PEPD: variants seen among roughly 807,000 people sequenced by gnomAD.
PEPD encodes the protein xaa-Pro dipeptidase.
A neutral mutation model predicts 60.7 loss-of-function variants in PEPD; 53 were observed. The observed-to-expected ratio is 0.87, with a 90% CI of 0.70 to 1.10. The LOEUF is 1.10. Ranked by LOEUF, PEPD falls within the 50% of genes least tolerant of loss-of-function variation. The pLI, the probability that PEPD is intolerant of heterozygous loss-of-function variation, is 0.00. For synonymous variants in PEPD, 267 were observed against 284.1 expected (o/e 0.94, Z 0.60); for missense variants, 711 against 711.9 (o/e 1.00, Z 0.01).
At chr19:33,392,871 AC>A (rs1968259049) in intron 12 of PEPD, among the ~76,000 whole-genome samples, 1 of 151,818 alleles carries the variant, frequency 6.6e-6, no homozygotes, top group Non-Finnish European at 1.5e-5. Context: ...ACAGGCCATC[AC>A]CCCCGACACA....
intron 7 of PEPD, among the ~76,000 whole-genome samples, chr19:33,473,420 C>T (rs1234169623): frequency 3.3e-5 from 5 of 152,166 alleles, no homozygotes; most frequent in African/African-American, 1.2e-4. Flanking sequence ...CTCCTGTGCA[C>T]ACAGAGAGGC....
At chr19:33,427,985 A>G (rs1348518916) in intron 9 of PEPD, among the ~76,000 whole-genome samples, 1 of 151,928 alleles carries the variant, frequency 6.6e-6, no homozygotes, top group Non-Finnish European at 1.5e-5. Context: ...CGGCAATCTG[A>G]TCATGGCAAA....
intron 6 of PEPD, among the ~76,000 whole-genome samples, chr19:33,482,996 A>G (rs1024010435): frequency 6.6e-6 from 1 of 152,244 alleles, no homozygotes; most frequent in Non-Finnish European, 1.5e-5. Flanking sequence ...CATTTATCAT[A>G]ATGGTCACGT....
rs1396383295 is a variant in PEPD, at chr19:33,413,608, A to G, written c.707T>C (p.Met236Thr). The change falls in exon 10 of 15, where the codon ATG becomes ACG. Residue 236 changes from methionine to threonine, a missense_variant. Met to Thr is a moderately conservative substitution (Grantham distance 81, BLOSUM62 -1). Coordinates refer to ENST00000244137, the MANE Select transcript of PEPD (RefSeq NM_000285.4). ...FEHYCYSRGGMRHSSYTCICG... is the reference protein window; with the variant it reads ...FEHYCYSRGGTRHSSYTCICG... The stretch of plus-strand genomic sequence containing the variant: ...GATGCAGGTGTAGGAGCTGTGGCGC[A>G]TGCCGCCCCGGGAGTAGCAGTAGTG... The G allele has an allele frequency of 2.5e-6, 4 of 1,588,544 alleles. No individual in the cohort carries two copies. In the East Asian group the frequency reaches 6.9e-5, roughly 27 times the overall value.
chr19:33,413,783 G>A, intron 9 of PEPD, 140 bp from the exon 10 acceptor site: 1 of 658,090 alleles, frequency 1.5e-6, no homozygotes, highest in Non-Finnish European at 2.8e-6. Context: ...CTCTCAGTGT[G>A]AGTCTGTGAG....
chr19:33,398,697 GC>G (rs1389776147), intron 12 of PEPD, among the ~76,000 whole-genome samples: 4 of 152,236 alleles, frequency 2.6e-5, no homozygotes, highest in Non-Finnish European at 5.9e-5. Flanking sequence ...AAGGAGTGGC[GC>G]CCCTGGGCGA....
intron 3 of PEPD, among the ~76,000 whole-genome samples, chr19:33,507,603 T>C (rs1159298529): frequency 6.6e-6 from 1 of 152,138 alleles, no homozygotes; most frequent in African/African-American, 2.4e-5. Context: ...AACCATCAGA[T>C]AGGGACTCAA....
In PEPD at chr19:33,397,340, C is replaced by T. The variant is rs559972254; in HGVS notation, c.967+4381G>A. Among the ~76,000 whole-genome samples, 5 of 152,200 alleles carry T rather than the reference C, an allele frequency of 3.3e-5. No individual in the cohort carries two copies. The East Asian group carries it at 9.7e-4, about 29-fold the overall frequency. On this transcript the variant is annotated intron_variant, in intron 12 of 14. Transcript: ENST00000244137. ...TTTATTTACTCTCCCTGGAAGGTCA[C>T]AGGATGCAGTCGGGCAGTCTCGGTG...
intron 9 of PEPD, among the ~76,000 whole-genome samples, chr19:33,415,296 G>A (rs1429575031): frequency 6.6e-6 from 1 of 152,240 alleles, no homozygotes; most frequent in East Asian, 1.9e-4. Flanking sequence ...GGGCTGCGCT[G>A]GGACTGGCCG....
At position 33,387,928 on chromosome 19, in the gene PEPD, TAAGG is replaced by T; in HGVS notation, c.1302_1305del (p.Phe434LeufsTer23). The T allele has an allele frequency of 3.1e-6, 5 of 1,594,750 alleles. No individual in the cohort carries two copies. Among genetic ancestry groups the T allele is most frequent in the Non-Finnish European group, 4.3e-6 (5 of 1,171,418 alleles). On this transcript the variant is annotated frameshift_variant, in exon 14 of 15. Transcript: ENST00000244137. LOFTEE classifies it high-confidence loss of function. Reference sequence around the variant, plus strand: ...CGAAAGCGCTGCAGGACCTCGCGGTTAAGGAAGGAGGCGCGGGCCGGGTCCGCCA... The same window carrying T: ...CGAAAGCGCTGCAGGACCTCGCGGTTAAGGAGGCGCGGGCCGGGTCCGCCA...
intron 9 of PEPD, among the ~76,000 whole-genome samples, chr19:33,436,222 G>A (rs185181791): frequency 0.012 from 1,784 of 151,920 alleles, 19 homozygotes; most frequent in Non-Finnish European, 0.019. Context: ...GAGGGAGAGG[G>A]AGAGGGAGAG....
chr19:33,497,568 C>T (rs1349689860), intron 4 of PEPD, among the ~76,000 whole-genome samples: 1 of 152,242 alleles, frequency 6.6e-6, no homozygotes, highest in Non-Finnish European at 1.5e-5. Context: ...ACGTGACCAG[C>T]CATGGCACTG....
In PEPD at chr19:33,521,746, G is replaced by C; in HGVS notation, c.15C>G (p.Thr5=). ...AGCGAGGGAGGCGCAGCACTCACCC[G>C]GTGGCCGCCGCCATGTTCGCCCGGC... MAAA[T]GPSFWLGNET... Residue 5 remains threonine, a splice_region_variant and synonymous_variant, in exon 1 of 15, where the codon ACC becomes ACG. Transcript: ENST00000244137. 1.3e-6 allele frequency: 2 copies of C among 1,577,570 alleles called. No individual in the cohort carries two copies. Among genetic ancestry groups the C allele is most frequent in the Non-Finnish European group, 1.7e-6 (2 of 1,167,250 alleles).
At chr19:33,445,770 A>C (rs1398651483) in intron 9 of PEPD, among the ~76,000 whole-genome samples, 2 of 152,174 alleles carry the variant, frequency 1.3e-5, no homozygotes, top group Non-Finnish European at 2.9e-5. Flanking sequence ...GAGTGTGTGA[A>C]CCACCAGGGC....
At chr19:33,433,341 C>T (rs983121211) in intron 9 of PEPD, among the ~76,000 whole-genome samples, 7 of 152,212 alleles carry the variant, frequency 4.6e-5, no homozygotes, top group Non-Finnish European at 1.0e-4. Context: ...CAAGGGGGCA[C>T]GCCCACTCCA....
At position 33,511,068 on chromosome 19, in the gene PEPD, C is replaced by T. The variant is rs1220331623; in HGVS notation, c.289G>A (p.Val97Met). ...GCATGGCTGGCAGGAAGCCTGGGCA[C>T]AAACAGGGTCGACTTCCCAGTGTCA... is the stretch of plus-strand genomic sequence containing the variant. ...DVDTGKSTLF[V>M]PRLPASHATW... The change falls in exon 3 of 15, where the codon GTG becomes ATG. Residue 97 changes from valine to methionine, a missense_variant. Physicochemically the swap from Val to Met is conservative, Grantham distance 21. Transcript: ENST00000244137. 1 of 1,614,004 alleles carries T rather than the reference C, an allele frequency of 6.2e-7. No individual in the cohort carries two copies. Among genetic ancestry groups the T allele is most frequent in the South Asian group, 1.1e-5 (1 of 91,044 alleles).
rs539662092 is a variant in PEPD, at chr19:33,493,945, G to A, written c.394-608C>T. Among the ~76,000 whole-genome samples the A allele has an allele frequency of 3.3e-5, 5 of 152,184 alleles. No individual in the cohort carries two copies. The South Asian group carries it at 8.3e-4, about 25-fold the overall frequency. ...ATGCCGGGCCAGCTCCTCTCTCCAC[G>A]CCTCTGCTCCAGCTCTTATCTCTCC... On this transcript the variant is annotated intron_variant, in intron 4 of 14. Coordinates refer to ENST00000244137, the MANE Select transcript of PEPD (RefSeq NM_000285.4).
chr19:33,408,743 G>A (rs1003364429), intron 11 of PEPD, among the ~76,000 whole-genome samples: 7 of 152,110 alleles, frequency 4.6e-5, no homozygotes, highest in Admixed American at 1.3e-4. Context: ...GGAATTCTAC[G>A]CTGGGCTCAT....
At chr19:33,404,290 A>G (rs1400196653) in intron 11 of PEPD, among the ~76,000 whole-genome samples, 1 of 152,158 alleles carries the variant, frequency 6.6e-6, no homozygotes, top group African/African-American at 2.4e-5. Flanking sequence ...TGGTTTTAGA[A>G]CATGCAAGAA....
Sources: gnomAD v4.1 joint callset for allele counts (sites outside exome capture counted in the v4.1 genomes callset) on GRCh38, gnomAD v4.1.1 for gene constraint, MANE v1.5 for transcripts, NCBI Gene and HGNC (gene_info 2026-07-23, HGNC 2026-07-21) for gene names.